DAB1: variants seen among roughly 807,000 people sequenced by gnomAD.
DAB1 encodes DAB adaptor protein 1, also known as disabled homolog 1.
A neutral mutation model predicts 64.6 loss-of-function variants in DAB1; 15 were observed. The ratio of observed to expected loss-of-function variants is 0.23; its 90% CI spans 0.16 to 0.36. The LOEUF is 0.36. Ranked by LOEUF, DAB1 falls within the 10% of genes least tolerant of loss-of-function variation. The pLI, the probability that DAB1 is intolerant of heterozygous loss-of-function variation, is 1.00. For synonymous variants in DAB1, 235 were observed against 251.9 expected (o/e 0.93, Z 0.64); for missense variants, 596 against 706.7 (o/e 0.84, Z 1.78).
chr1:58,257,420 T>C (rs573318848), intron 4 of DAB1, among the ~76,000 whole-genome samples: 4 of 152,326 alleles, frequency 2.6e-5, no homozygotes, highest in Admixed American at 2.0e-4. Context: ...TGTGGGGCTA[T>C]GACTGCATGC....
chr1:57,967,529 G>A (rs1468189504), intron 5 of DAB1, among the ~76,000 whole-genome samples: 1 of 152,128 alleles, frequency 6.6e-6, no homozygotes, highest in Non-Finnish European at 1.5e-5. Context: ...GCTCTTGAAA[G>A]GCTTACTAGC....
At chr1:57,714,692 C>T (rs539987781) in intron 6 of DAB1, among the ~76,000 whole-genome samples, 1 of 152,198 alleles carries the variant, frequency 6.6e-6, no homozygotes, top group East Asian at 1.9e-4. Context: ...GAATTAGGGG[C>T]AAAGGGGACC....
chr1:57,444,172 C>G (rs1349770922), intron 7 of DAB1, among the ~76,000 whole-genome samples: 1 of 152,156 alleles, frequency 6.6e-6, no homozygotes, highest in Non-Finnish European at 1.5e-5. Context: ...TCTCCCCAGG[C>G]ACCTACTCTT....
chr1:58,513,401 A>T (rs1394280647), intron 2 of DAB1, among the ~76,000 whole-genome samples: 1 of 152,172 alleles, frequency 6.6e-6, no homozygotes, highest in Non-Finnish European at 1.5e-5. Flanking sequence ...AAATGGACTA[A>T]TACAGCAACT....
Position 57,764,563 on chromosome 1 carries a change from T to G in DAB1, n.552-114898A>C, listed in dbSNP as rs148215629. On this transcript the variant is annotated intron_variant and non_coding_transcript_variant, in intron 6 of 20. Coordinates refer to the DAB1 transcript ENST00000485760. ...CCAAAATGTTGTATCTTTTAACAAATCTCTCCCTATCCGTCTTGTCCTCCT... is the reference window on the plus strand; with the variant it reads ...CCAAAATGTTGTATCTTTTAACAAAGCTCTCCCTATCCGTCTTGTCCTCCT... 7.2e-4 allele frequency among the ~76,000 whole-genome samples: 109 copies of G among 152,294 alleles called. 2 individuals are homozygous for G. Among genetic ancestry groups the G allele is most frequent in the African/African-American group, 2.3e-3 (97 of 41,576 alleles).
chr1:58,224,070 G>A (rs1026775234), intron 4 of DAB1, among the ~76,000 whole-genome samples: 1 of 152,198 alleles, frequency 6.6e-6, no homozygotes, highest in African/African-American at 2.4e-5. Flanking sequence ...AGGACAATTG[G>A]GCTCCTTGCT....
In DAB1 at chr1:57,480,852, A is replaced by T. The variant is rs58181244; in HGVS notation, n.625+168740T>A. On this transcript the variant is annotated intron_variant and non_coding_transcript_variant, in intron 7 of 20. Coordinates refer to the DAB1 transcript ENST00000485760. The stretch of plus-strand genomic sequence containing the variant: ...CATCACAGTAGCCATTCTGGAGATG[A>T]GAAAGCTGAGGCTCAGAGAAGTTGT... 4.1e-3 allele frequency among the ~76,000 whole-genome samples: 626 copies of T among 152,266 alleles called. 2 individuals carry two copies. Among genetic ancestry groups the T allele is most frequent in the African/African-American group, 0.014 (597 of 41,552 alleles).
intron 5 of DAB1, among the ~76,000 whole-genome samples, chr1:58,106,375 G>A (rs764319992): frequency 4.0e-5 from 6 of 151,776 alleles, no homozygotes; most frequent in Middle Eastern, 3.2e-3. Flanking sequence ...GTAGAGACAG[G>A]GTCTCATTAT....
chr1:58,507,589 T>C (rs755971346), intron 2 of DAB1, among the ~76,000 whole-genome samples: 7 of 152,060 alleles, frequency 4.6e-5, no homozygotes, highest in Admixed American at 4.6e-4. Flanking sequence ...CATGTTTATA[T>C]GTATATAAAC....
chr1:57,948,159 T>C (rs748657859), intron 5 of DAB1, among the ~76,000 whole-genome samples: 17 of 152,202 alleles, frequency 1.1e-4, no homozygotes, highest in Non-Finnish European at 2.1e-4. Context: ...TAACTACTTC[T>C]TCAGTAGTAG....
rs779989764 is a variant in DAB1 at position 57,071,636 on chromosome 1, T to C, written c.444A>G (p.Glu148=). 5.0e-6 allele frequency: 8 copies of C among 1,613,046 alleles called. No individual in the cohort carries two copies. The African/African-American group carries it at 1.1e-4, about 22-fold the overall frequency. Reference sequence around the variant, plus strand: ...GATCTCTCAAGTCCAGAATAACAGGTTCAGCCTGGGATGAAAGGTAGTAAG... The same window carrying C: ...GATCTCTCAAGTCCAGAATAACAGGCTCAGCCTGGGATGAAAGGTAGTAAG... ...FVAIKTAQAA[E]PVILDLRDLF... Residue 148 remains glutamate (E), a synonymous_variant, in exon 6 of 15, where the codon GAA becomes GAG. Transcript: ENST00000371236.
intron 5 of DAB1, among the ~76,000 whole-genome samples, chr1:58,085,342 T>C (rs1405383975): frequency 3.3e-5 from 5 of 152,178 alleles, no homozygotes; most frequent in African/African-American, 1.2e-4. Flanking sequence ...TTTTTATTTC[T>C]CTTAATTCAA....
intron 1 of DAB1, among the ~76,000 whole-genome samples, chr1:57,837,958 C>G (rs1652884999): frequency 6.6e-6 from 1 of 152,044 alleles, no homozygotes; most frequent in Admixed American, 6.6e-5. Flanking sequence ...CAGCAACTAT[C>G]TCCATACTAC....
At chr1:58,160,847 C>G (rs1655497355) in intron 4 of DAB1, among the ~76,000 whole-genome samples, 1 of 152,142 alleles carries the variant, frequency 6.6e-6, no homozygotes, top group African/African-American at 2.4e-5. Context: ...TCCAGTGCTT[C>G]TTCTGCTATG....
At chr1:57,175,307 G>C (rs1443546842) in intron 2 of DAB1, among the ~76,000 whole-genome samples, 1 of 142,744 alleles carries the variant, frequency 7.0e-6, no homozygotes, top group East Asian at 2.0e-4. Flanking sequence ...TATTATTTCA[G>C]ACTTTAAATT....
intron 3 of DAB1, among the ~76,000 whole-genome samples, chr1:58,394,333 C>A (rs1316835007): frequency 1.3e-5 from 2 of 152,116 alleles, no homozygotes; most frequent in African/African-American, 4.8e-5. Context: ...GATACACTTA[C>A]CATATAACAT....
At chr1:58,488,771 T>C (rs1645621605) in intron 3 of DAB1, among the ~76,000 whole-genome samples, 2 of 152,194 alleles carry the variant, frequency 1.3e-5, no homozygotes, top group South Asian at 4.1e-4. Context: ...TCTTTTACCC[T>C]CACCCACTTC....
At chr1:58,043,712 A>G (rs1007027726) in intron 5 of DAB1, among the ~76,000 whole-genome samples, 1 of 151,934 alleles carries the variant, frequency 6.6e-6, no homozygotes, top group Non-Finnish European at 1.5e-5. Context: ...AGAGTCAAAC[A>G]GAGAGGATAA....
intron 5 of DAB1, among the ~76,000 whole-genome samples, chr1:58,051,067 A>T (rs1647624711): frequency 1.3e-5 from 2 of 152,118 alleles, no homozygotes; most frequent in African/African-American, 2.4e-5. Context: ...ATATATATAT[A>T]CTTTAAGTTC....
Sources: gnomAD v4.1 joint callset for allele counts (sites outside exome capture counted in the v4.1 genomes callset) on GRCh38, gnomAD v4.1.1 for gene constraint, MANE v1.5 for transcripts, NCBI Gene and HGNC (gene_info 2026-07-23, HGNC 2026-07-21) for gene names.